Variants in MEGF11 observed in about 807,000 individuals in gnomAD.
MEGF11 encodes the protein multiple epidermal growth factor-like domains protein 11.
MEGF11 carries 126 observed loss-of-function variants against 146.6 expected under a neutral mutation model. That is an observed-to-expected ratio of 0.86 (90% CI 0.74 to 1.00). MEGF11 has a LOEUF of 1.00. Among genes scored for constraint, MEGF11 ranks in the 50% least tolerant of loss-of-function variants. MEGF11 has a pLI of 0.00. For synonymous variants in MEGF11, 532 were observed against 583.4 expected, an observed-to-expected ratio of 0.91 and a Z score of 1.27; for missense variants, 1,509 against 1,521.2, an observed-to-expected ratio of 0.99 and a Z score of 0.13.
intron 5 of MEGF11, among the ~76,000 whole-genome samples, chr15:66,000,875 C>T (rs2082346496): frequency 6.6e-6 from 1 of 152,172 alleles, no homozygotes; most frequent in Non-Finnish European, 1.5e-5. Flanking sequence ...GGAGGATAGC[C>T]TCAGGGCTGG....
chr15:66,125,791 C>A (rs2088306134), intron 2 of MEGF11, among the ~76,000 whole-genome samples: 1 of 152,172 alleles, frequency 6.6e-6, no homozygotes. Flanking sequence ...AAGACCAACA[C>A]ACAGAATGGA....
chr15:65,909,300 A>G (rs2078723385), intron 22 of MEGF11, among the ~76,000 whole-genome samples, 165 bp from the exon 23 acceptor site: 1 of 152,030 alleles, frequency 6.6e-6, no homozygotes, highest in African/African-American at 2.4e-5. Flanking sequence ...CAGCGGGGCC[A>G]GGGGCTCTGT....
chr15:66,041,951 C>A lies in MEGF11; in HGVS notation c.394+52451G>T, dbSNP rs143466804. Among the ~76,000 whole-genome samples, 669 of 152,212 alleles carry A rather than the reference C, an allele frequency of 4.4e-3. 8 individuals carry two copies. Among genetic ancestry groups the A allele is most frequent in the African/African-American group, 0.015 (632 of 41,516 alleles). ...TGCTCTTAAAAACCAAATCATCCTGCCTCTCTTGACCCTTAAGCAGCTTTT... is the reference window on the plus strand; with the variant it reads ...TGCTCTTAAAAACCAAATCATCCTGACTCTCTTGACCCTTAAGCAGCTTTT... On this transcript the variant is annotated intron_variant, in intron 5 of 25. Transcript: ENST00000395614.
In MEGF11 at chr15:65,970,701, G is replaced by A. The variant is rs772588858; in HGVS notation, c.763-12C>T. On this transcript the variant is annotated splice_polypyrimidine_tract_variant and intron_variant, in intron 7 of 25. Transcript: ENST00000395614. The stretch of plus-strand genomic sequence containing the variant: ...GCACACACTGCTCCCTAAAAGAAAG[G>A]TGGGAAGACATGCATGGCGGTGCTC... 2 of 1,605,590 alleles carry A rather than the reference G, an allele frequency of 1.2e-6. No individual in the cohort carries two copies. The highest frequency in any genetic ancestry group is 1.7e-6 in the Non-Finnish European group (2 of 1,175,962).
At chr15:66,203,479 C>T (rs1195751741) in intron 1 of MEGF11, among the ~76,000 whole-genome samples, 4 of 152,178 alleles carry the variant, frequency 2.6e-5, no homozygotes, top group Non-Finnish European at 5.9e-5. Flanking sequence ...TCTAAGTTGT[C>T]CTAAATCTAA....
chr15:65,914,817 C>G (rs920648002), intron 19 of MEGF11, among the ~76,000 whole-genome samples: 5 of 152,226 alleles, frequency 3.3e-5, no homozygotes, highest in African/African-American at 1.2e-4. Context: ...CATCCCCCAT[C>G]TAGAACCAAC....
intron 7 of MEGF11, among the ~76,000 whole-genome samples, chr15:65,978,033 G>A (rs1161333622): frequency 3.3e-5 from 5 of 152,384 alleles, no homozygotes; most frequent in African/African-American, 9.6e-5. Context: ...CTGTGGGCAT[G>A]CTTAGGGCCT....
chr15:66,080,827 C>T (rs1176549860), intron 5 of MEGF11, among the ~76,000 whole-genome samples: 1 of 152,238 alleles, frequency 6.6e-6, no homozygotes, highest in East Asian at 1.9e-4. Flanking sequence ...GACACAGAGC[C>T]CACCGTCCCG....
rs1049185272 is a variant in MEGF11, at chr15:66,252,283, G to C, written c.-9+1322C>G. Among the ~76,000 whole-genome samples, 4 of 148,386 alleles carry C rather than the reference G, an allele frequency of 2.7e-5. No homozygotes were observed. In the Admixed American group the frequency reaches 2.7e-4, roughly 10 times the overall value. ...TTAACCCTTGTTTCCCTGGCAGAGC[G>C]CCGGAGGGGCGCTGGTGCCGGGGCG... On this transcript the variant is annotated intron_variant, in intron 1 of 25. Transcript: ENST00000395614.
chr15:66,156,851 A>C (rs2089777659), intron 1 of MEGF11, among the ~76,000 whole-genome samples: 1 of 152,158 alleles, frequency 6.6e-6, no homozygotes, highest in Admixed American at 6.5e-5. Context: ...GAACAGAGCA[A>C]CGCAAGAGGA....
At chr15:65,993,873 ATC>A (rs957328801) in intron 5 of MEGF11, among the ~76,000 whole-genome samples, 1 of 152,066 alleles carries the variant, frequency 6.6e-6, no homozygotes, top group African/African-American at 2.4e-5. Flanking sequence ...GCCTCTCTCT[ATC>A]TCTCTCACGG....
chr15:66,001,401 C>T (rs2082363014), intron 5 of MEGF11, among the ~76,000 whole-genome samples: 1 of 152,144 alleles, frequency 6.6e-6, no homozygotes. Context: ...ATTGGGAGCC[C>T]CTCAGGTCTC....
intron 5 of MEGF11, among the ~76,000 whole-genome samples, chr15:66,027,621 C>T (rs1567208290): frequency 6.6e-6 from 1 of 152,224 alleles, no homozygotes; most frequent in African/African-American, 2.4e-5. Context: ...AGAACTACCC[C>T]GAGAGTCTGG....
At chr15:65,907,624 A>G (rs1202982838) in intron 23 of MEGF11, among the ~76,000 whole-genome samples, 2 of 152,228 alleles carry the variant, frequency 1.3e-5, no homozygotes, top group African/African-American at 4.8e-5. Context: ...TGAGAGGCTT[A>G]TAGGTACCTG....
intron 5 of MEGF11, among the ~76,000 whole-genome samples, chr15:66,018,633 G>C (rs1300827212): frequency 6.6e-6 from 1 of 152,150 alleles, no homozygotes; most frequent in East Asian, 1.9e-4. Flanking sequence ...ATGTGTGAGT[G>C]TGTGCGAGCG....
At chr15:65,912,235 C>A in intron 20 of MEGF11, 35 bp from the exon 21 acceptor site, 1 of 1,182,354 alleles carries the variant, frequency 8.5e-7, no homozygotes, top group Non-Finnish European at 1.1e-6. Context: ...TACCATCATA[C>A]CCCTGCCCCT....
chr15:66,143,094 A>G (rs1036076218), intron 1 of MEGF11, among the ~76,000 whole-genome samples: 5 of 152,372 alleles, frequency 3.3e-5, no homozygotes, highest in Non-Finnish European at 7.3e-5. Flanking sequence ...TAGTGCTCTC[A>G]GCACCTGCCA....
chr15:66,036,504 G>T (rs2083730736), intron 5 of MEGF11, among the ~76,000 whole-genome samples: 1 of 152,188 alleles, frequency 6.6e-6, no homozygotes, highest in Non-Finnish European at 1.5e-5. Flanking sequence ...GGACATTTGT[G>T]TTGCCTCCAA....
chr15:66,127,034 C>A (rs2088385887), intron 2 of MEGF11, among the ~76,000 whole-genome samples: 1 of 152,172 alleles, frequency 6.6e-6, no homozygotes, highest in Admixed American at 6.5e-5. Context: ...ACGCTTATGG[C>A]CCTCAAAGCA....
Sources: allele counts gnomAD v4.1 joint callset (sites outside exome capture counted in the v4.1 genomes callset), GRCh38; gene constraint gnomAD v4.1.1; transcripts MANE v1.5; gene names NCBI Gene and HGNC (gene_info 2026-07-23, HGNC 2026-07-21).